The following POFUT3 variants were observed in gnomAD, a reference collection of about 807,000 sequenced individuals.
POFUT3 encodes the protein GDP-fucose protein O-fucosyltransferase 3.
the POFUT3 span, chr8:33,436,604 T>C: frequency 2.2e-6 from 2 of 899,458 alleles, no homozygotes; most frequent in Non-Finnish European, 3.7e-6. Context: ...TTCTTAATGA[T>C]GCCACATTCC....
the POFUT3 span, among the ~76,000 whole-genome samples, chr8:33,309,377 T>TGTGTGTGTGTGTGTGTGTG: frequency 3.9e-3 from 565 of 146,222 alleles, 7 homozygotes; most frequent in African/African-American, 0.014. Flanking sequence ...GTGTGTGTGT[T>TGTGTGTGTGTGTGTGTGTG]TTTCTCCCCT....
chr8:33,461,394 A>G, the POFUT3 span: 1 of 1,612,354 alleles, frequency 6.2e-7, no homozygotes, highest in Non-Finnish European at 8.5e-7. Context: ...AAGCAGAAAG[A>G]CGGTGGCTGT....
At chr8:33,339,033 C>A in the POFUT3 span, 1 of 151,670 alleles carries the variant, frequency 6.6e-6, no homozygotes, top group Non-Finnish European at 1.5e-5. Context: ...ATACCAAGAA[C>A]TAAAAATATC....
chr8:33,332,143 AG>A, the POFUT3 span, among the ~76,000 whole-genome samples: 60 of 150,484 alleles, frequency 4.0e-4, no homozygotes, highest in African/African-American at 1.4e-3. Context: ...ACCTTGTCTC[AG>A]AAAAGAAGAA....
chr8:33,330,501 A>C, the POFUT3 span, among the ~76,000 whole-genome samples: 3 of 152,178 alleles, frequency 2.0e-5, no homozygotes, highest in African/African-American at 7.2e-5. Flanking sequence ...ACAGGTTAGC[A>C]GGGAAGACAA....
the POFUT3 span, among the ~76,000 whole-genome samples, chr8:33,350,289 A>G: frequency 1.3e-5 from 2 of 152,084 alleles, no homozygotes; most frequent in Non-Finnish European, 2.9e-5. Flanking sequence ...TTGACTGTGG[A>G]TCATCTGTAA....
chr8:33,424,772 C>CA, the POFUT3 span, among the ~76,000 whole-genome samples: 5 of 152,118 alleles, frequency 3.3e-5, no homozygotes, highest in African/African-American at 9.7e-5. Flanking sequence ...AAACTAGAGG[C>CA]CTCTACTCTG....
At chr8:33,344,603 A>G in the POFUT3 span, among the ~76,000 whole-genome samples, 12 of 152,256 alleles carry the variant, frequency 7.9e-5, no homozygotes, top group African/African-American at 1.4e-4. Flanking sequence ...ACGGAAATGC[A>G]TCCTTCTAAT....
chr8:33,383,252 C>T, the POFUT3 span, among the ~76,000 whole-genome samples: 1 of 152,190 alleles, frequency 6.6e-6, no homozygotes, highest in Admixed American at 6.5e-5. Context: ...AATCACAGCA[C>T]AGATGCCTCT....
chr8:33,310,034 G>C, the POFUT3 span, among the ~76,000 whole-genome samples: 2 of 152,146 alleles, frequency 1.3e-5, no homozygotes, highest in Admixed American at 6.5e-5. Context: ...AATAGGAAGG[G>C]ATGGAAGGAG....
At chr8:33,376,182 T>C in the POFUT3 span, among the ~76,000 whole-genome samples, 1 of 152,116 alleles carries the variant, frequency 6.6e-6, no homozygotes, top group Non-Finnish European at 1.5e-5. Flanking sequence ...AAATATTTGA[T>C]TCTTCAACCT....
chr8:33,347,045 A>G, the POFUT3 span, among the ~76,000 whole-genome samples: 4 of 152,012 alleles, frequency 2.6e-5, no homozygotes, highest in Non-Finnish European at 5.9e-5. Flanking sequence ...GCTTTACCCA[A>G]CTCTCTGACA....
chr8:33,385,303 C>A, the POFUT3 span, among the ~76,000 whole-genome samples: 45 of 152,306 alleles, frequency 3.0e-4, no homozygotes, highest in African/African-American at 1.1e-3. Context: ...GAACTTGAAT[C>A]TACAGAACTG....
At chr8:33,391,202 T>C in the POFUT3 span, among the ~76,000 whole-genome samples, 13 of 152,370 alleles carry the variant, frequency 8.5e-5, no homozygotes, top group South Asian at 1.7e-3. Context: ...AGATAAACTC[T>C]TCAGTGCCAA....
the POFUT3 span, among the ~76,000 whole-genome samples, chr8:33,356,324 C>G: frequency 1.4e-4 from 22 of 152,286 alleles, no homozygotes; most frequent in African/African-American, 5.3e-4. Context: ...CACATCCTCT[C>G]CAGCACCTGT....
At chr8:33,360,043 C>CA in the POFUT3 span, among the ~76,000 whole-genome samples, 3 of 150,892 alleles carry the variant, frequency 2.0e-5, no homozygotes, top group Non-Finnish European at 4.4e-5. Flanking sequence ...AAAACAACAA[C>CA]AAAAAACAAA....
chr8:33,335,448 T>G, the POFUT3 span, among the ~76,000 whole-genome samples: 1 of 152,096 alleles, frequency 6.6e-6, no homozygotes, highest in Non-Finnish European at 1.5e-5. Flanking sequence ...GACATGAATG[T>G]TGGTTGATAT....
chr8:33,335,986 T>A, the POFUT3 span, among the ~76,000 whole-genome samples: 1 of 152,032 alleles, frequency 6.6e-6, no homozygotes. Context: ...ACTTTTTTTT[T>A]AATCCACGTA....
chr8:33,471,110 C>T, the POFUT3 span, among the ~76,000 whole-genome samples: 1 of 152,140 alleles, frequency 6.6e-6, no homozygotes, highest in Non-Finnish European at 1.5e-5. Flanking sequence ...TAAAAATGTT[C>T]AAAAACCCAT....
Sources: allele counts gnomAD v4.1 joint callset (sites outside exome capture counted in the v4.1 genomes callset), GRCh38; gene constraint gnomAD v4.1.1; transcripts MANE v1.5; gene names NCBI Gene and HGNC (gene_info 2026-07-23, HGNC 2026-07-21).